Variants in ZNF729 observed in about 807,000 individuals in gnomAD.
ZNF729 encodes zinc finger protein 729.
A neutral mutation model predicts 12.2 loss-of-function variants in ZNF729; 15 were observed. The ratio of observed to expected loss-of-function variants is 1.23; its 90% confidence interval spans 0.82 to 1.89. The LOEUF is 1.89. Among genes scored for constraint, ZNF729 ranks in the 40% most tolerant of loss-of-function variants. The probability of loss-of-function intolerance (pLI) is 0.00; values close to 1 mark genes in which losing one functional copy is unlikely to be tolerated. For missense variants in ZNF729, 1,540 were observed against 1,456.7 expected, an observed-to-expected ratio of 1.06 and a Z score of -0.93; for synonymous variants, 492 against 476.3, an observed-to-expected ratio of 1.03 and a Z score of -0.43.
At chr19:22,296,860 A>G (rs1317899205) in intron 1 of ZNF729, among the ~76,000 whole-genome samples, 1 of 152,180 alleles carries the variant, frequency 6.6e-6, no homozygotes, top group Non-Finnish European at 1.5e-5. Flanking sequence ...AAAGTCATTC[A>G]AGTGCAGGTT....
intron 1 of ZNF729, among the ~76,000 whole-genome samples, chr19:22,289,386 C>G (rs543561522): frequency 6.6e-6 from 1 of 151,788 alleles, no homozygotes; most frequent in Non-Finnish European, 1.5e-5. Flanking sequence ...CCACCACACC[C>G]GGCTAATTTT....
rs780591033 is a variant in ZNF729 at position 22,315,783 on chromosome 19, T to C, written c.2366T>C (p.Ile789Thr). ...TCAGCCCTTATGAAACATAAGGTAA[T>C]TCATACTGGAGAGAAACCCTACAAG... ...SFSALMKHKV[I>T]HTGEKPYKCE... Residue 789 changes from isoleucine (I) to threonine (T), a missense_variant, in exon 4 of 4, where the codon ATT becomes ACT. Ile to Thr is a moderately conservative substitution (Grantham distance 89). Coordinates refer to ENST00000601693, the MANE Select transcript of ZNF729 (RefSeq NM_001242680.2). 1 of 1,610,276 alleles carries C rather than the reference T, an allele frequency of 6.2e-7. No individual in the cohort carries two copies. Among genetic ancestry groups the C allele is most frequent in the Non-Finnish European group, 8.5e-7 (1 of 1,179,614 alleles).
At position 22,315,680 on chromosome 19, in the gene ZNF729, C is replaced by G. The variant is rs1164866049; in HGVS notation, c.2263C>G (p.Leu755Val). Residue 755 changes from leucine (L) to valine (V), a missense_variant, in exon 4 of 4, where the codon CTT becomes GTT. Leu to Val is a conservative substitution (Grantham distance 32). Transcript: ENST00000601693. ...CAAATCTTTTAAGCATTTCTCAGCC[C>G]TTAGAAAACATAAGGTAATTCATAC... ...CGKSFKHFSA[L>V]RKHKVIHTRE... 1 of 1,607,178 alleles carries G rather than the reference C, an allele frequency of 6.2e-7. No individual in the cohort carries two copies. The highest frequency in any genetic ancestry group is 8.5e-7 in the Non-Finnish European group (1 of 1,178,694).
At chr19:22,291,953 C>G (rs1447146351) in intron 1 of ZNF729, among the ~76,000 whole-genome samples, 1 of 152,104 alleles carries the variant, frequency 6.6e-6, no homozygotes, top group East Asian at 1.9e-4. Context: ...AGGATGGTCT[C>G]AAACTCCTGA....
chr19:22,295,503 G>A (rs1188391745), intron 1 of ZNF729, among the ~76,000 whole-genome samples: 1 of 150,710 alleles, frequency 6.6e-6, no homozygotes, highest in African/African-American at 2.5e-5. Flanking sequence ...CCATTCTCCT[G>A]CCTCAGCCTC....
chr19:22,316,087 G>A lies in ZNF729; in HGVS notation c.2670G>A (p.Lys890=). Residue 890 remains lysine (K), a synonymous_variant, in exon 4 of 4, where the codon AAG becomes AAA. Coordinates refer to ENST00000601693, the MANE Select transcript of ZNF729 (RefSeq NM_001242680.2). The stretch of plus-strand genomic sequence containing the variant: ...GTGAAGAATGTGGTAAAGCTTTTAA[G>A]TGGTTGTCAAAACTTACTGTACATA... ...YKCEECGKAF[K]WLSKLTVHKV... is the part of the protein sequence containing the mutation. 1.2e-6 allele frequency: 2 copies of A among 1,610,032 alleles called. No individual in the cohort carries two copies. The highest frequency in any genetic ancestry group is 1.7e-6 in the Non-Finnish European group (2 of 1,179,426).
Position 22,313,833 on chromosome 19 carries a change from A to G in ZNF729, c.416A>G (p.Tyr139Cys). The change falls in exon 4 of 4, where the codon TAT (tyrosine) becomes TGT (cysteine). Residue 139 changes from tyrosine to cysteine, a missense_variant. Tyr to Cys is a radical substitution (Grantham distance 194). Transcript: ENST00000601693. Reference sequence around the variant, plus strand: ...GAGGGTAAGATGCACAAAGAAGGTTATAATAAACTTAACCAATGCAGGACA... The same window carrying G: ...GAGGGTAAGATGCACAAAGAAGGTTGTAATAAACTTAACCAATGCAGGACA... Reference protein sequence around the residue: ...ANEGKMHKEGYNKLNQCRTAT... With the variant: ...ANEGKMHKEGCNKLNQCRTAT... 1 of 1,583,072 alleles carries G rather than the reference A, an allele frequency of 6.3e-7. No homozygotes were observed. The highest frequency in any genetic ancestry group is 8.6e-7 in the Non-Finnish European group (1 of 1,167,500).
At chr19:22,296,959 T>G (rs912330083) in intron 1 of ZNF729, among the ~76,000 whole-genome samples, 1 of 152,168 alleles carries the variant, frequency 6.6e-6, no homozygotes, top group Non-Finnish European at 1.5e-5. Flanking sequence ...TTGGTATGGT[T>G]TGAGGATTTT....
intron 3 of ZNF729, among the ~76,000 whole-genome samples, chr19:22,305,126 C>T (rs61377758): frequency 0.025 from 3,802 of 152,160 alleles, 154 homozygotes; most frequent in African/African-American, 0.087. Context: ...GTTAAAAGAA[C>T]CTGGCTCTTT....
rs1968499584 is a variant in ZNF729, at chr19:22,314,585, A to G, written c.1168A>G (p.Lys390Glu). 5 of 1,611,336 alleles carry G rather than the reference A, an allele frequency of 3.1e-6. No individual in the cohort carries two copies. The highest frequency in any genetic ancestry group is 2.7e-5 in the African/African-American group (2 of 74,702). ...ECGKAFKWSSKLTVHKVVHTG... is the reference protein window; with the variant it reads ...ECGKAFKWSSELTVHKVVHTG... The stretch of plus-strand genomic sequence containing the variant: ...TGGTAAAGCTTTTAAGTGGTCTTCA[A>G]AACTTACTGTACATAAGGTAGTTCA... Residue 390 changes from lysine to glutamate, a missense_variant, in exon 4 of 4, where the codon AAA becomes GAA. By Grantham distance (56) the Lys-to-Glu change is moderately conservative. Transcript: ENST00000601693.
intron 1 of ZNF729, chr19:22,298,867 A>G (rs1470451073): frequency 6.6e-6 from 1 of 152,184 alleles, no homozygotes; most frequent in African/African-American, 2.4e-5. Context: ...TACAGGAGAA[A>G]TAAACACAGA....
intron 1 of ZNF729, among the ~76,000 whole-genome samples, chr19:22,290,550 G>C (rs1968139430): frequency 6.6e-6 from 1 of 152,152 alleles, no homozygotes; most frequent in African/African-American, 2.4e-5. Context: ...GAGGGTGAAA[G>C]AATGAGATTT....
chr19:22,286,665 G>A lies in ZNF729; in HGVS notation c.30+110G>A, dbSNP rs114360893. On this transcript the variant is annotated intron_variant, in intron 1 of 3. Transcript: ENST00000601693. ...CCCCGCAGTCAGCTCCACAATCTGC[G>A]CCTGGAGTTCTTTCCCATCTCGGCC... is the stretch of plus-strand genomic sequence containing the variant. The A allele has an allele frequency of 4.4e-3, 6,084 of 1,381,234 alleles. 195 individuals are homozygous for A. The African/African-American group carries it at 0.076, about 17-fold the overall frequency. The allele number at this position is 1,381,234 out of a possible 1,614,324, so 85.6% of individuals were successfully genotyped here.
In ZNF729 at chr19:22,313,855, GACAGCT is replaced by G; in HGVS notation, c.441_446del (p.Ala148_Thr149del). 1 of 1,569,460 alleles carries G rather than the reference GACAGCT, an allele frequency of 6.4e-7. No homozygotes were observed. The highest frequency in any genetic ancestry group is 2.3e-5 in the East Asian group (1 of 44,108). Reference sequence around the variant, plus strand: ...GTTATAATAAACTTAACCAATGCAGGACAGCTACCCAGAGAAAAATATTTCAGTGTA... The same window carrying G: ...GTTATAATAAACTTAACCAATGCAGGACCCAGAGAAAAATATTTCAGTGTA... On this transcript the variant is annotated inframe_deletion, in exon 4 of 4. Transcript: ENST00000601693.
intron 3 of ZNF729, among the ~76,000 whole-genome samples, chr19:22,306,165 G>T (rs1329689719): frequency 6.6e-6 from 1 of 151,844 alleles, no homozygotes; most frequent in Admixed American, 6.6e-5. Flanking sequence ...TTTGCACTGG[G>T]CACAGTGACT....
intron 3 of ZNF729, among the ~76,000 whole-genome samples, chr19:22,309,522 T>C (rs1182886575): frequency 6.6e-6 from 1 of 152,190 alleles, no homozygotes; most frequent in African/African-American, 2.4e-5. Context: ...GCTGTAAGTA[T>C]TTGGGTTTAT....
intron 3 of ZNF729, among the ~76,000 whole-genome samples, chr19:22,309,546 A>G (rs1416516356): frequency 1.3e-5 from 2 of 152,190 alleles, no homozygotes; most frequent in African/African-American, 2.4e-5. Context: ...TGGGTTCTCT[A>G]TTCTTTTCCA....
intron 1 of ZNF729, chr19:22,299,582 A>G (rs1298552353): frequency 6.6e-6 from 1 of 152,318 alleles, no homozygotes; most frequent in Non-Finnish European, 1.5e-5. Flanking sequence ...TCTAAGCATA[A>G]TCTTGCTCAG....
intron 3 of ZNF729, among the ~76,000 whole-genome samples, chr19:22,306,746 AT>A (rs1968382919): frequency 2.0e-5 from 3 of 151,358 alleles, no homozygotes; most frequent in Admixed American, 1.3e-4. Context: ...AATATTATAA[AT>A]TATTTCATAT....
Sources: gnomAD v4.1 joint callset for allele counts (sites outside exome capture counted in the v4.1 genomes callset) on GRCh38, gnomAD v4.1.1 for gene constraint, MANE v1.5 for transcripts, NCBI Gene and HGNC (gene_info 2026-07-23, HGNC 2026-07-21) for gene names.